The following ASTN1 variants were observed in gnomAD, a reference collection of about 807,000 sequenced individuals.
ASTN1 encodes the protein astrotactin 1.
Under a neutral mutation model 140.7 loss-of-function variants are expected in ASTN1, and 41 were observed. The observed-to-expected ratio is 0.29, with a 90% confidence interval of 0.23 to 0.38. ASTN1 has a LOEUF of 0.38. ASTN1 is among the 10% of genes least tolerant of loss of function. ASTN1 has a pLI of 1.00. For missense variants in ASTN1, 1,479 were observed against 1,678.8 expected (o/e 0.88, Z 2.08); for synonymous variants, 640 against 652.2 (o/e 0.98, Z 0.29).
chr1:176,965,993 A>G (rs1405572030), intron 8 of ASTN1, among the ~76,000 whole-genome samples: 1 of 152,208 alleles, frequency 6.6e-6, no homozygotes, highest in Non-Finnish European at 1.5e-5. Flanking sequence ...ATTTCTTTTA[A>G]ATAGTGTATA....
chr1:176,879,414 C>T lies in ASTN1; in HGVS notation c.3363-2777G>A, dbSNP rs183366785. 1.9e-4 allele frequency among the ~76,000 whole-genome samples: 29 copies of T among 152,334 alleles called. 1 individual carries two copies. The highest frequency in any genetic ancestry group is 6.8e-3 in the Middle Eastern group (2 of 294). On this transcript the variant is annotated intron_variant, in intron 20 of 22. Coordinates refer to ENST00000361833, the MANE Select transcript of ASTN1 (RefSeq NM_004319.3). The stretch of plus-strand genomic sequence containing the variant: ...CTGCAATATGTTAAAATGTCACCTG[C>T]CCTAGACCGTCTATGGCTGCATTCC...
chr1:176,864,944 A>G (rs185490494), intron 22 of ASTN1, among the ~76,000 whole-genome samples: 6 of 152,332 alleles, frequency 3.9e-5, no homozygotes, highest in Admixed American at 3.9e-4. Context: ...AACTGGTAGA[A>G]GCAGCCGTTA....
chr1:177,160,661 A>T (rs1394634772), intron 1 of ASTN1, among the ~76,000 whole-genome samples: 3 of 152,236 alleles, frequency 2.0e-5, no homozygotes, highest in African/African-American at 7.2e-5. Flanking sequence ...TATGCTCCAA[A>T]GCAGGAATGT....
chr1:176,879,203 T>C (rs954561901), intron 20 of ASTN1, among the ~76,000 whole-genome samples: 3 of 152,132 alleles, frequency 2.0e-5, no homozygotes, highest in Non-Finnish European at 2.9e-5. Context: ...TGTGTCTGAG[T>C]CCGTAAGTCT....
chr1:177,082,228 A>G (rs1226066020), intron 1 of ASTN1, among the ~76,000 whole-genome samples: 13 of 152,132 alleles, frequency 8.5e-5, no homozygotes, highest in Non-Finnish European at 5.9e-5. Context: ...GAATCTACCT[A>G]TGAGTGTGCA....
At chr1:177,087,100 T>C (rs577798830) in intron 1 of ASTN1, among the ~76,000 whole-genome samples, 1 of 152,250 alleles carries the variant, frequency 6.6e-6, no homozygotes, top group East Asian at 1.9e-4. Flanking sequence ...CTGGCAGGGA[T>C]AATGGGCACT....
rs1267535997 is a variant in ASTN1, at chr1:177,149,230, GTAAA to G, written c.283+15160_283+15163del. 1.2e-4 allele frequency among the ~76,000 whole-genome samples: 11 copies of G among 89,142 alleles called. 2 individuals are homozygous for G. Among genetic ancestry groups the G allele is most frequent in the African/African-American group, 5.8e-4 (9 of 15,482 alleles). 58.5% of individuals were successfully genotyped at this position (89,142 alleles called of 152,430 possible). ...AGTGTATATATAGTAAATATATATA[GTAAA>G]TATATATATACTATATATAGTAAAT... On this transcript the variant is annotated intron_variant, in intron 1 of 22. Transcript: ENST00000361833.
At chr1:177,115,379 A>G (rs896361323) in intron 1 of ASTN1, among the ~76,000 whole-genome samples, 1 of 152,194 alleles carries the variant, frequency 6.6e-6, no homozygotes, top group Non-Finnish European at 1.5e-5. Context: ...AAATAATTTT[A>G]TAATCATGAA....
intron 8 of ASTN1, among the ~76,000 whole-genome samples, chr1:176,997,570 A>T (rs1674513565): frequency 6.6e-6 from 1 of 151,920 alleles, no homozygotes; most frequent in Non-Finnish European, 1.5e-5. Flanking sequence ...AGAGGAGGTG[A>T]TGTGATGTGT....
intron 1 of ASTN1, among the ~76,000 whole-genome samples, chr1:177,145,466 C>T (rs1027721579): frequency 3.9e-5 from 6 of 152,196 alleles, no homozygotes; most frequent in African/African-American, 1.4e-4. Flanking sequence ...CTCAACCAAG[C>T]ACTCTTCCTT....
At chr1:177,151,993 C>T (rs542911111) in intron 1 of ASTN1, among the ~76,000 whole-genome samples, 74 of 151,980 alleles carry the variant, frequency 4.9e-4, no homozygotes, top group South Asian at 1.2e-3. Flanking sequence ...ACTGAAAGAG[C>T]CAGTCAGAGA....
At chr1:177,076,754 C>T (rs573581206) in intron 1 of ASTN1, among the ~76,000 whole-genome samples, 2 of 152,174 alleles carry the variant, frequency 1.3e-5, no homozygotes, top group African/African-American at 4.8e-5. Flanking sequence ...AACTTCTGAC[C>T]TCAAGTGATC....
chr1:177,006,445 GA>G (rs964290002), intron 8 of ASTN1, among the ~76,000 whole-genome samples: 1 of 151,562 alleles, frequency 6.6e-6, no homozygotes, highest in African/African-American at 2.4e-5. Context: ...CCAAAGCCAG[GA>G]AAAATAATAG....
At chr1:176,997,380 G>T (rs963416668) in intron 8 of ASTN1, among the ~76,000 whole-genome samples, 4 of 152,092 alleles carry the variant, frequency 2.6e-5, no homozygotes, top group African/African-American at 4.8e-5. Flanking sequence ...TTTAACCCTT[G>T]TGTTCTGCTG....
At chr1:177,108,032 T>C (rs1680634109) in intron 1 of ASTN1, among the ~76,000 whole-genome samples, 3 of 152,056 alleles carry the variant, frequency 2.0e-5, no homozygotes, top group Admixed American at 6.5e-5. Flanking sequence ...TATAAAAATA[T>C]GCTCACCCTT....
At chr1:176,954,776 T>TCA (rs1672330916) in intron 11 of ASTN1, among the ~76,000 whole-genome samples, 1 of 152,190 alleles carries the variant, frequency 6.6e-6, no homozygotes, top group South Asian at 2.1e-4. Context: ...CAGCAATCCG[T>TCA]GGCTACTGGA....
downstream of ASTN1, chr1:176,857,473 A>G (rs571585885): frequency 2.2e-5 from 9 of 413,216 alleles, no homozygotes; most frequent in Admixed American, 3.5e-4. Flanking sequence ...GATTAGCAAC[A>G]TCAGGGCGCA....
At chr1:177,108,347 C>CAAAAA (rs71129596) in intron 1 of ASTN1, among the ~76,000 whole-genome samples, 33 of 98,296 alleles carry the variant, frequency 3.4e-4, no homozygotes, top group African/African-American at 4.2e-4. Context: ...GACTCCGTCT[C>CAAAAA]AAAAAAAAAA....
Position 176,888,402 on chromosome 1 carries a change from G to T in ASTN1, c.2941-198C>A, listed in dbSNP as rs1443533431. Among the ~76,000 whole-genome samples the T allele has an allele frequency of 2.6e-5, 4 of 152,140 alleles. 1 individual carries two copies. The highest frequency in any genetic ancestry group is 4.1e-4 in the South Asian group (2 of 4,828). On this transcript the variant is annotated intron_variant, in intron 17 of 22. Coordinates refer to ENST00000361833, the MANE Select transcript of ASTN1 (RefSeq NM_004319.3). Reference sequence around the variant, plus strand: ...GCCTGAGCCTCTTAGAACCTCTAGGGTGTCCATCTCCCTTTACCGTAACAG... The same window carrying T: ...GCCTGAGCCTCTTAGAACCTCTAGGTTGTCCATCTCCCTTTACCGTAACAG...
Sources: allele counts gnomAD v4.1 joint callset (sites outside exome capture counted in the v4.1 genomes callset), GRCh38; gene constraint gnomAD v4.1.1; transcripts MANE v1.5; gene names NCBI Gene and HGNC (gene_info 2026-07-23, HGNC 2026-07-21).